LRRC7: variants seen among roughly 807,000 people sequenced by gnomAD.
LRRC7 encodes leucine-rich repeat-containing protein 7.
LRRC7 carries 23 observed loss-of-function variants against 175.7 expected under a neutral mutation model. The observed-to-expected ratio is 0.13, with a 90% CI of 0.09 to 0.19. The LOEUF (loss-of-function observed/expected upper bound fraction) is 0.19, where lower values mean the gene tolerates loss of function less well. Ranked by LOEUF, LRRC7 falls within the 10% of genes least tolerant of loss-of-function variation. The probability of loss-of-function intolerance (pLI) is 1.00; values close to 1 mark genes in which losing one functional copy is unlikely to be tolerated. For synonymous variants in LRRC7, 685 were observed against 680.9 expected (o/e 1.01, Z -0.09); for missense variants, 1,354 against 1,904.7 (o/e 0.71, Z 5.38).
intron 24 of LRRC7, among the ~76,000 whole-genome samples, chr1:70,078,115 G>A (rs538512761): frequency 6.6e-6 from 1 of 152,284 alleles, no homozygotes; most frequent in Admixed American, 6.5e-5. Context: ...AATACTCGTG[G>A]TGATAGGTAT....
At chr1:69,757,613 T>C (rs942158833) in intron 2 of LRRC7, among the ~76,000 whole-genome samples, 1 of 151,914 alleles carries the variant, frequency 6.6e-6, no homozygotes, top group Non-Finnish European at 1.5e-5. Context: ...TTCAAAAGTT[T>C]TGGTAGACAG....
In LRRC7 at chr1:70,036,652, C is replaced by T. The variant is rs764727749; in HGVS notation, c.2288+28C>T. ...GTGTTTAGAATTCCCTCCTTTTGTT[C>T]CCAAACGTTTATTTTCAGCAACTTT... On this transcript the variant is annotated intron_variant, in intron 20 of 26. Coordinates refer to ENST00000651989, the MANE Select transcript of LRRC7 (RefSeq NM_001370785.2). 15 of 1,564,464 alleles carry T rather than the reference C, an allele frequency of 9.6e-6. No homozygotes were observed. In the South Asian group the frequency reaches 1.5e-4, roughly 16 times the overall value.
At chr1:69,768,608 T>C (rs948717222) in intron 3 of LRRC7, among the ~76,000 whole-genome samples, 2 of 152,204 alleles carry the variant, frequency 1.3e-5, no homozygotes, top group Non-Finnish European at 2.9e-5. Flanking sequence ...ATATGCTGTC[T>C]ATTATTTTAC....
intron 1 of LRRC7, among the ~76,000 whole-genome samples, chr1:69,587,086 T>C (rs1468159556): frequency 6.6e-6 from 1 of 152,196 alleles, no homozygotes; most frequent in Non-Finnish European, 1.5e-5. Flanking sequence ...TTTGTAAGTA[T>C]GCAAGTAGTA....
chr1:70,038,443 A>G lies in LRRC7; in HGVS notation c.2619A>G (p.Glu873=). The change falls in exon 21 of 27, where the codon GAA becomes GAG. Residue 873 remains glutamate (E), a synonymous_variant. Transcript: ENST00000651989. ...CACACAGACACACACCAGAAACAGA[A>G]GTGCCTCCTTCCAATCCTTGGCAGA... is the stretch of plus-strand genomic sequence containing the variant. The part of the protein sequence containing the change: ...QSTHRHTPET[E]VPPSNPWQNW... 6.2e-7 allele frequency: 1 copy of G among 1,614,170 alleles called. No individual in the cohort carries two copies. Among genetic ancestry groups the G allele is most frequent in the South Asian group, 1.1e-5 (1 of 91,092 alleles).
chr1:69,977,435 A>G (rs1652936043), intron 8 of LRRC7, among the ~76,000 whole-genome samples: 1 of 152,204 alleles, frequency 6.6e-6, no homozygotes, highest in African/African-American at 2.4e-5. Context: ...GACTAGTATA[A>G]TGCCTAGCAC....
intron 8 of LRRC7, among the ~76,000 whole-genome samples, chr1:69,939,903 A>G (rs1016168166): frequency 1.3e-5 from 2 of 152,136 alleles, no homozygotes; most frequent in Non-Finnish European, 2.9e-5. Flanking sequence ...TCTGAAAAGC[A>G]ATCATTCCAT....
chr1:69,832,334 T>G (rs1443733169), intron 5 of LRRC7, among the ~76,000 whole-genome samples: 1 of 152,218 alleles, frequency 6.6e-6, no homozygotes, highest in East Asian at 1.9e-4. Context: ...ACCAGGTGCA[T>G]GAACAGACCA....
chr1:69,806,698 G>C (rs1677156431), intron 4 of LRRC7, among the ~76,000 whole-genome samples: 2 of 151,920 alleles, frequency 1.3e-5, no homozygotes, highest in Admixed American at 1.3e-4. Flanking sequence ...GGTTAAATGA[G>C]TGTAATCAAT....
At chr1:69,741,218 T>C (rs1668671487) in intron 2 of LRRC7, among the ~76,000 whole-genome samples, 2 of 151,992 alleles carry the variant, frequency 1.3e-5, no homozygotes, top group African/African-American at 2.4e-5. Flanking sequence ...TGCCAAGTTA[T>C]GCTTAAATTT....
chr1:70,011,956 A>T, intron 12 of LRRC7, 30 bp downstream of exon 12: 1 of 1,527,728 alleles, frequency 6.5e-7, no homozygotes, highest in East Asian at 2.3e-5. Flanking sequence ...TCTATTTATT[A>T]ACTTTTAATT....
intron 1 of LRRC7, among the ~76,000 whole-genome samples, chr1:69,611,608 G>A (rs185648167): frequency 5.3e-5 from 8 of 151,944 alleles, no homozygotes; most frequent in Admixed American, 2.0e-4. Context: ...AATTAATGTC[G>A]AACTCATGGC....
chr1:69,723,725 G>A (rs1226125641), intron 2 of LRRC7, among the ~76,000 whole-genome samples: 1 of 152,144 alleles, frequency 6.6e-6, no homozygotes, highest in Non-Finnish European at 1.5e-5. Context: ...TCTGGAGGCT[G>A]AGAAGTTCAA....
intron 17 of LRRC7, among the ~76,000 whole-genome samples, chr1:70,026,630 T>C (rs972870303): frequency 1.3e-5 from 2 of 152,144 alleles, no homozygotes; most frequent in Non-Finnish European, 2.9e-5. Flanking sequence ...TCTTGGGTTA[T>C]ATTTTTGTAG....
intron 4 of LRRC7, among the ~76,000 whole-genome samples, chr1:69,806,988 G>C (rs1677192861): frequency 1.3e-5 from 2 of 151,996 alleles, no homozygotes; most frequent in Admixed American, 6.6e-5. Flanking sequence ...ACCTGTATTG[G>C]GTGCATATGT....
intron 8 of LRRC7, among the ~76,000 whole-genome samples, chr1:69,974,245 A>C (rs530417471): frequency 6.6e-6 from 1 of 152,106 alleles, no homozygotes; most frequent in East Asian, 1.9e-4. Context: ...CTTTTTCATC[A>C]TTTACCTTAT....
chr1:70,049,117 T>G (rs370585936), intron 22 of LRRC7, among the ~76,000 whole-genome samples: 14 of 152,208 alleles, frequency 9.2e-5, no homozygotes, highest in Admixed American at 2.6e-4. Context: ...TAATTTCAGG[T>G]GAGGGAAGGC....
chr1:70,060,488 T>G (rs1257287133), intron 23 of LRRC7, among the ~76,000 whole-genome samples: 1 of 152,182 alleles, frequency 6.6e-6, no homozygotes, highest in Non-Finnish European at 1.5e-5. Context: ...GAATAGGCAT[T>G]GTGCTGTTGA....
At position 69,817,370 on chromosome 1, in the gene LRRC7, C is replaced by T. The variant is rs193024902; in HGVS notation, c.422-8378C>T. ...TCTACCTGTGGGTTTCTAGTTTTCT[C>T]AGCACCATTTGTTGAAGAGACTATC... On this transcript the variant is annotated intron_variant, in intron 4 of 26. Coordinates refer to ENST00000651989, the MANE Select transcript of LRRC7 (RefSeq NM_001370785.2). 3.4e-4 allele frequency among the ~76,000 whole-genome samples: 51 copies of T among 152,080 alleles called. No individual in the cohort carries two copies. The East Asian group carries it at 8.3e-3, about 25-fold the overall frequency.
Sources: allele counts gnomAD v4.1 joint callset (sites outside exome capture counted in the v4.1 genomes callset), GRCh38; gene constraint gnomAD v4.1.1; transcripts MANE v1.5; gene names NCBI Gene and HGNC (gene_info 2026-07-23, HGNC 2026-07-21).